The following CTNNA3 variants were observed in gnomAD, a reference collection of about 807,000 sequenced individuals.
The protein encoded by CTNNA3 is catenin alpha 3, also known as catenin alpha-3.
A neutral mutation model predicts 95.7 loss-of-function variants in CTNNA3; 76 were observed. The ratio of observed to expected loss-of-function variants is 0.79; its 90% CI spans 0.66 to 0.96. The LOEUF is 0.96. Ranked by LOEUF, CTNNA3 falls within the 40% of genes least tolerant of loss-of-function variation. CTNNA3 has a pLI of 0.00. For missense variants in CTNNA3, 1,191 were observed against 1,089.8 expected, an observed-to-expected ratio of 1.09 and a Z score of -1.31; for synonymous variants, 431 against 374.4, an observed-to-expected ratio of 1.15 and a Z score of -1.74.
At chr10:66,508,078 A>T (rs938236929) in intron 11 of CTNNA3, among the ~76,000 whole-genome samples, 1 of 151,946 alleles carries the variant, frequency 6.6e-6, no homozygotes, top group Non-Finnish European at 1.5e-5. Context: ...TGTTTCTTAA[A>T]TAACTAATAA....
intron 2 of CTNNA3, among the ~76,000 whole-genome samples, chr10:67,612,110 G>A (rs1312665887): frequency 6.6e-6 from 1 of 152,002 alleles, no homozygotes; most frequent in Non-Finnish European, 1.5e-5. Context: ...GAAGATTAAA[G>A]GGTTGAGAAC....
intron 5 of CTNNA3, among the ~76,000 whole-genome samples, chr10:67,372,149 T>G (rs1041242129): frequency 6.6e-6 from 1 of 152,156 alleles, no homozygotes; most frequent in South Asian, 2.1e-4. Context: ...ATGAGTAGAT[T>G]GCAAAAATTT....
chr10:67,379,542 C>T (rs1843834205), intron 5 of CTNNA3, among the ~76,000 whole-genome samples: 2 of 152,178 alleles, frequency 1.3e-5, no homozygotes, highest in Non-Finnish European at 2.9e-5. Context: ...CGAATATGAA[C>T]ATCACATTGC....
At chr10:66,442,685 G>C (rs2093383826) in intron 11 of CTNNA3, among the ~76,000 whole-genome samples, 1 of 152,186 alleles carries the variant, frequency 6.6e-6, no homozygotes, top group Non-Finnish European at 1.5e-5. Context: ...GTGGAGCCAA[G>C]ATGGCCGAAT....
At chr10:66,459,876 C>G (rs1223250938) in intron 11 of CTNNA3, among the ~76,000 whole-genome samples, 1 of 152,020 alleles carries the variant, frequency 6.6e-6, no homozygotes, top group Non-Finnish European at 1.5e-5. Context: ...TAATGAATGA[C>G]TGCATTTAGT....
chr10:66,423,811 TA>T, intron 11 of CTNNA3, among the ~76,000 whole-genome samples: 1 of 152,214 alleles, frequency 6.6e-6, no homozygotes, highest in Non-Finnish European at 1.5e-5. Flanking sequence ...AGGTTTATTC[TA>T]AAAAATAAAG....
chr10:66,876,873 A>G (rs530708029), intron 7 of CTNNA3, among the ~76,000 whole-genome samples: 65 of 152,264 alleles, frequency 4.3e-4, no homozygotes, highest in African/African-American at 1.4e-3. Context: ...TGTGACATGC[A>G]AACTCTGGAG....
intron 7 of CTNNA3, among the ~76,000 whole-genome samples, chr10:67,121,738 A>G (rs1352893918): frequency 1.3e-5 from 2 of 151,944 alleles, no homozygotes; most frequent in Non-Finnish European, 2.9e-5. Flanking sequence ...TCAATTGACC[A>G]GCAGCCTCAA....
chr10:66,264,730 T>G (rs111936994), intron 13 of CTNNA3, among the ~76,000 whole-genome samples: 7 of 152,058 alleles, frequency 4.6e-5, no homozygotes, highest in African/African-American at 1.7e-4. Flanking sequence ...CAACATTACC[T>G]GTTGCCTGGA....
At chr10:67,634,627 G>A (rs1364153521) in intron 2 of CTNNA3, among the ~76,000 whole-genome samples, 1 of 152,122 alleles carries the variant, frequency 6.6e-6, no homozygotes, top group East Asian at 1.9e-4. Context: ...AAGGGATGGA[G>A]GAAAATTTAC....
At chr10:67,203,557 C>T (rs1384766203) in intron 6 of CTNNA3, among the ~76,000 whole-genome samples, 2 of 152,222 alleles carry the variant, frequency 1.3e-5, no homozygotes, top group Non-Finnish European at 2.9e-5. Context: ...TGGGCCACTT[C>T]CAGTCACTAC....
intron 5 of CTNNA3, among the ~76,000 whole-genome samples, chr10:67,369,992 G>A (rs1376290991): frequency 1.3e-5 from 2 of 152,104 alleles, no homozygotes; most frequent in African/African-American, 4.8e-5. Context: ...CTATGAAGTT[G>A]TATATATGCA....
chr10:67,004,493 T>C (rs1006623600), intron 7 of CTNNA3, among the ~76,000 whole-genome samples: 2 of 109,302 alleles, frequency 1.8e-5, no homozygotes, highest in Non-Finnish European at 4.3e-5. Context: ...CCATAATGCT[T>C]CTTCCCTCAA....
At chr10:67,346,601 C>T (rs773441099) in intron 5 of CTNNA3, 15 of 335,004 alleles carry the variant, frequency 4.5e-5, no homozygotes, top group Non-Finnish European at 8.7e-5. Flanking sequence ...CCTTAAAGGG[C>T]ACACTGTATA....
chr10:65,942,987 C>A (rs1267541928), intron 17 of CTNNA3, among the ~76,000 whole-genome samples: 3 of 151,644 alleles, frequency 2.0e-5, no homozygotes, highest in African/African-American at 7.3e-5. Context: ...AAACATTTTC[C>A]GATATATAAC....
At chr10:66,777,084 T>C (rs1377673622) in intron 7 of CTNNA3, among the ~76,000 whole-genome samples, 2 of 152,184 alleles carry the variant, frequency 1.3e-5, no homozygotes, top group African/African-American at 4.8e-5. Context: ...GAGCTGAGGT[T>C]GCTGGTATCT....
At chr10:66,942,277 T>C (rs866955275) in intron 7 of CTNNA3, among the ~76,000 whole-genome samples, 8 of 152,154 alleles carry the variant, frequency 5.3e-5, no homozygotes, top group Admixed American at 2.0e-4. Context: ...ATATAAAAAA[T>C]GATTAAATGT....
chr10:66,893,108 C>G (rs1020787341), intron 7 of CTNNA3, among the ~76,000 whole-genome samples: 1 of 152,034 alleles, frequency 6.6e-6, no homozygotes, highest in Non-Finnish European at 1.5e-5. Flanking sequence ...ATGATCTTAG[C>G]TCACGAAGCC....
intron 11 of CTNNA3, among the ~76,000 whole-genome samples, chr10:66,496,632 A>G (rs536144572): frequency 3.9e-5 from 6 of 152,306 alleles, no homozygotes; most frequent in South Asian, 2.1e-4. Context: ...TTCAGTGTAA[A>G]GGATCAAAGA....
Sources: gnomAD v4.1 joint callset for allele counts (sites outside exome capture counted in the v4.1 genomes callset) on GRCh38, gnomAD v4.1.1 for gene constraint, MANE v1.5 for transcripts, NCBI Gene and HGNC (gene_info 2026-07-23, HGNC 2026-07-21) for gene names.